UST: variants seen among roughly 807,000 people sequenced by gnomAD.
UST encodes chondroitin sulfate 2-O-sulfotransferase.
A neutral mutation model predicts 45.6 loss-of-function variants in UST; 21 were observed. The ratio of observed to expected loss-of-function variants is 0.46; its 90% CI spans 0.33 to 0.66. The LOEUF is 0.66. Ranked by LOEUF, UST falls within the 30% of genes least tolerant of loss-of-function variation. The pLI, the probability that UST is intolerant of heterozygous loss-of-function variation, is 0.02. For synonymous variants in UST, 215 were observed against 200.6 expected (o/e 1.07, Z -0.61); for missense variants, 463 against 512.4 (o/e 0.90, Z 0.93).
At chr6:149,064,385 G>A (rs1375532589) in intron 7 of UST, among the ~76,000 whole-genome samples, 1 of 152,164 alleles carries the variant, frequency 6.6e-6, no homozygotes, top group Non-Finnish European at 1.5e-5. Context: ...GACCTCTACA[G>A]CACTGGGAGC....
Position 148,747,033 on chromosome 6 carries a change from G to A in UST, c.-398G>A, listed in dbSNP as rs1272580159. On this transcript the variant is annotated 5_prime_UTR_variant, in exon 1 of 8. Transcript: ENST00000367463. ...CTGTTCCTCCCTGCCGTTTTTTAGA[G>A]AAGCCTGAACCGGGACAAAACACGC... Among the ~76,000 whole-genome samples, 2 of 151,880 alleles carry A rather than the reference G, an allele frequency of 1.3e-5. No individual in the cohort carries two copies. The highest frequency in any genetic ancestry group is 2.4e-5 in the African/African-American group (1 of 41,426).
At chr6:148,946,986 G>C (rs938310037) in intron 3 of UST, among the ~76,000 whole-genome samples, 2 of 150,740 alleles carry the variant, frequency 1.3e-5, no homozygotes, top group South Asian at 2.1e-4. Flanking sequence ...TCTAATCCTC[G>C]AGGCAACATT....
chr6:149,022,835 A>C (rs184993331), intron 7 of UST, among the ~76,000 whole-genome samples: 1 of 152,186 alleles, frequency 6.6e-6, no homozygotes, highest in African/African-American at 2.4e-5. Context: ...AGGCTGCCTT[A>C]GCCTCCCAGC....
chr6:148,856,291 C>T (rs976006447), intron 1 of UST, among the ~76,000 whole-genome samples: 1 of 152,160 alleles, frequency 6.6e-6, no homozygotes, highest in African/African-American at 2.4e-5. Flanking sequence ...GCTGGGATTA[C>T]AGGAGTGAGC....
intron 1 of UST, among the ~76,000 whole-genome samples, chr6:148,782,482 G>A (rs1353808504): frequency 6.6e-6 from 1 of 151,560 alleles, no homozygotes; most frequent in African/African-American, 2.4e-5. Flanking sequence ...ACAGAGTCTC[G>A]CTCTGTCACC....
chr6:148,993,660 T>A (rs922842796), intron 5 of UST, among the ~76,000 whole-genome samples: 5 of 152,192 alleles, frequency 3.3e-5, no homozygotes, highest in African/African-American at 1.2e-4. Flanking sequence ...ACGCAAATTT[T>A]TCATGAATGG....
At chr6:148,961,814 T>C (rs1473704852) in intron 4 of UST, among the ~76,000 whole-genome samples, 2 of 152,186 alleles carry the variant, frequency 1.3e-5, no homozygotes, top group East Asian at 3.9e-4. Context: ...ACTTTATAAA[T>C]AGTAGCCAGA....
chr6:149,048,881 G>A (rs750703820), intron 7 of UST, among the ~76,000 whole-genome samples: 1 of 152,230 alleles, frequency 6.6e-6, no homozygotes, highest in African/African-American at 2.4e-5. Context: ...CCCCGATGAT[G>A]AGGATGAAGA....
chr6:148,995,069 A>T (rs1781426244), intron 5 of UST, among the ~76,000 whole-genome samples: 1 of 152,010 alleles, frequency 6.6e-6, no homozygotes, highest in South Asian at 2.1e-4. Flanking sequence ...CTGTCGCACA[A>T]GCTGGAGTGC....
chr6:148,919,417 C>CGTGTGT (rs71007929), intron 2 of UST, among the ~76,000 whole-genome samples: 6 of 148,020 alleles, frequency 4.1e-5, no homozygotes, highest in Admixed American at 6.7e-5. Flanking sequence ...GTGTCAGAGC[C>CGTGTGT]GTGTGTGTGT....
At chr6:148,937,118 T>A (rs1281646649) in intron 2 of UST, among the ~76,000 whole-genome samples, 1 of 152,222 alleles carries the variant, frequency 6.6e-6, no homozygotes, top group Non-Finnish European at 1.5e-5. Context: ...TTACATAGGT[T>A]CTTTTAGAAA....
At chr6:149,036,545 C>T (rs749829428) in intron 7 of UST, among the ~76,000 whole-genome samples, 2 of 152,168 alleles carry the variant, frequency 1.3e-5, no homozygotes, top group Non-Finnish European at 2.9e-5. Context: ...TGTAATCAGC[C>T]CACTACATTT....
intron 1 of UST, among the ~76,000 whole-genome samples, chr6:148,823,528 C>G (rs1008146595): frequency 6.6e-6 from 1 of 152,170 alleles, no homozygotes; most frequent in African/African-American, 2.4e-5. Flanking sequence ...TATTTTCTTT[C>G]TTAATCTATT....
chr6:148,965,172 G>A (rs1355641416), intron 5 of UST, among the ~76,000 whole-genome samples: 1 of 152,194 alleles, frequency 6.6e-6, no homozygotes, highest in East Asian at 1.9e-4. Context: ...GGGACCCTCA[G>A]CTCCATAAGG....
chr6:148,750,226 A>T (rs183066779), intron 1 of UST, among the ~76,000 whole-genome samples: 3 of 152,336 alleles, frequency 2.0e-5, no homozygotes, highest in African/African-American at 7.2e-5. Flanking sequence ...GTATACTTAT[A>T]CAATATTCTA....
chr6:148,748,380 C>T lies in UST; in HGVS notation c.247+703C>T, dbSNP rs1423109505. Among the ~76,000 whole-genome samples, 1 of 147,664 alleles carries T rather than the reference C, an allele frequency of 6.8e-6. No individual in the cohort carries two copies. Among genetic ancestry groups the T allele is most frequent in the African/African-American group, 2.6e-5 (1 of 39,074 alleles). On this transcript the variant is annotated intron_variant, in intron 1 of 7. Coordinates refer to ENST00000367463, the MANE Select transcript of UST (RefSeq NM_005715.3). This position sits in a 1 kb window ranked among gnomAD's most constrained non-coding sequence, Gnocchi z 5.3. ...CGAGGATCCTCGGCGCTGTGTGCGT[C>T]TCAAGCTCAAGTCAAAACTTGTGTG...
At chr6:148,962,149 A>G (rs1260741233) in intron 4 of UST, among the ~76,000 whole-genome samples, 1 of 152,264 alleles carries the variant, frequency 6.6e-6, no homozygotes, top group Non-Finnish European at 1.5e-5. Context: ...CTGATACTTG[A>G]CAATACATTC....
At chr6:148,902,778 C>G (rs1172866782) in intron 2 of UST, among the ~76,000 whole-genome samples, 3 of 152,130 alleles carry the variant, frequency 2.0e-5, no homozygotes, top group Non-Finnish European at 2.9e-5. Flanking sequence ...TTGTTCCTCT[C>G]ATTTTTTCTT....
At chr6:148,947,086 G>A (rs1272001050) in intron 3 of UST, among the ~76,000 whole-genome samples, 1 of 152,046 alleles carries the variant, frequency 6.6e-6, no homozygotes, top group African/African-American at 2.4e-5. Flanking sequence ...AGAATAATGT[G>A]GGAGAATAAG....
Sources: allele counts gnomAD v4.1 joint callset (sites outside exome capture counted in the v4.1 genomes callset), GRCh38; gene constraint gnomAD v4.1.1; non-coding constraint Gnocchi (gnomAD v3.1); transcripts MANE v1.5; gene names NCBI Gene and HGNC (gene_info 2026-07-23, HGNC 2026-07-21).